BRINP1: variants seen among roughly 807,000 people sequenced by gnomAD.
BRINP1 encodes BMP/retinoic acid inducible neural specific 1.
Under a neutral mutation model 72.9 loss-of-function variants are expected in BRINP1, and 17 were observed. The observed-to-expected ratio is 0.23, with a 90% CI of 0.16 to 0.35. BRINP1 has a LOEUF of 0.35. Ranked by LOEUF, BRINP1 falls within the 10% of genes least tolerant of loss-of-function variation. The pLI, the probability that BRINP1 is intolerant of heterozygous loss-of-function variation, is 1.00. For synonymous variants in BRINP1, 418 were observed against 378.5 expected (o/e 1.10, Z -1.21); for missense variants, 850 against 1,001.6 (o/e 0.85, Z 2.04).
intron 2 of BRINP1, among the ~76,000 whole-genome samples, chr9:119,275,360 C>A (rs1830646125): frequency 6.6e-6 from 1 of 152,174 alleles, no homozygotes; most frequent in Admixed American, 6.5e-5. Flanking sequence ...AGACTATGAA[C>A]TTGCACTTTT....
intron 5 of BRINP1, among the ~76,000 whole-genome samples, chr9:119,227,585 T>C (rs1196955771): frequency 6.6e-6 from 1 of 152,054 alleles, no homozygotes; most frequent in Non-Finnish European, 1.5e-5. Context: ...GGAACATAAA[T>C]TCCCATTAGT....
intron 1 of BRINP1, among the ~76,000 whole-genome samples, chr9:119,330,415 C>G (rs1831288036): frequency 6.6e-6 from 1 of 152,186 alleles, no homozygotes; most frequent in Non-Finnish European, 1.5e-5. Flanking sequence ...GCCTCCATGT[C>G]TCTAGGTACT....
intron 1 of BRINP1, among the ~76,000 whole-genome samples, chr9:119,314,465 A>T (rs1344882624): frequency 6.6e-6 from 1 of 152,176 alleles, no homozygotes; most frequent in African/African-American, 2.4e-5. Flanking sequence ...TCCAGGGTTC[A>T]AGTGATTCTT....
chr9:119,238,034 T>C (rs914440624), intron 5 of BRINP1, among the ~76,000 whole-genome samples: 2 of 152,210 alleles, frequency 1.3e-5, no homozygotes, highest in Non-Finnish European at 2.9e-5. Flanking sequence ...ATTAACATTA[T>C]ATCACATTAT....
At chr9:119,350,463 G>C (rs773305934) in intron 1 of BRINP1, among the ~76,000 whole-genome samples, 1 of 152,186 alleles carries the variant, frequency 6.6e-6, no homozygotes, top group East Asian at 1.9e-4. Context: ...TTCTCCTACA[G>C]CTCATACAGT....
chr9:119,314,993 C>G (rs1240285992), intron 1 of BRINP1, among the ~76,000 whole-genome samples: 1 of 152,168 alleles, frequency 6.6e-6, no homozygotes, highest in East Asian at 1.9e-4. Flanking sequence ...TGGCCAAACC[C>G]TGTTTAAATC....
intron 1 of BRINP1, among the ~76,000 whole-genome samples, chr9:119,353,087 T>A (rs889908943): frequency 1.3e-5 from 2 of 152,332 alleles, no homozygotes; most frequent in African/African-American, 4.8e-5. Context: ...TGACTTCATT[T>A]TATGGCCTAA....
At chr9:119,254,030 A>C (rs150725540) in intron 2 of BRINP1, among the ~76,000 whole-genome samples, 2 of 152,294 alleles carry the variant, frequency 1.3e-5, no homozygotes, top group East Asian at 3.9e-4. Flanking sequence ...AAGTACACTT[A>C]AGTAAAAGGG....
intron 2 of BRINP1, among the ~76,000 whole-genome samples, chr9:119,251,940 T>C (rs1433882281): frequency 6.6e-6 from 1 of 152,160 alleles, no homozygotes; most frequent in East Asian, 1.9e-4. Flanking sequence ...ATTTGGTGTG[T>C]GTTCTCTCTC....
chr9:119,355,694 A>G (rs1231215611), intron 1 of BRINP1, among the ~76,000 whole-genome samples: 11 of 148,646 alleles, frequency 7.4e-5, no homozygotes, highest in East Asian at 2.0e-4. Context: ...GCACCACTGC[A>G]CTCCAGCCTG....
At chr9:119,324,834 T>C (rs925356818) in intron 1 of BRINP1, among the ~76,000 whole-genome samples, 2 of 152,174 alleles carry the variant, frequency 1.3e-5, no homozygotes, top group Non-Finnish European at 2.9e-5. Context: ...GCACAGTGGC[T>C]CATGTCTGTA....
At chr9:119,337,618 T>C (rs1831360018) in intron 1 of BRINP1, among the ~76,000 whole-genome samples, 1 of 152,192 alleles carries the variant, frequency 6.6e-6, no homozygotes, top group Non-Finnish European at 1.5e-5. Flanking sequence ...TCTAACCTAA[T>C]TCCCTAGTCT....
chr9:119,282,090 T>C (rs1180429380), intron 2 of BRINP1, among the ~76,000 whole-genome samples: 2 of 152,222 alleles, frequency 1.3e-5, no homozygotes, highest in African/African-American at 2.4e-5. Context: ...TATATTTCCA[T>C]GAACAAAGTC....
At chr9:119,202,536 G>C (rs79412631) in intron 7 of BRINP1, among the ~76,000 whole-genome samples, 1 of 152,288 alleles carries the variant, frequency 6.6e-6, no homozygotes, top group Non-Finnish European at 1.5e-5. Context: ...AGTAATAGCT[G>C]AGACCAAACT....
rs146289929 is a variant in BRINP1 at position 119,232,583 on chromosome 9, T to C, written c.685+6072A>G. Among the ~76,000 whole-genome samples, 92 of 152,264 alleles carry C rather than the reference T, an allele frequency of 6.0e-4. 1 individual carries two copies. The Middle Eastern group carries it at 0.01, about 17-fold the overall frequency. ...GCTTTTGCCATATCCACACATCAAT[T>C]ATAAGCTCAAAATGATTCATTTATC... On this transcript the variant is annotated intron_variant, in intron 5 of 7. Transcript: ENST00000265922.
chr9:119,329,936 T>C (rs1831281962), intron 1 of BRINP1, among the ~76,000 whole-genome samples: 1 of 152,192 alleles, frequency 6.6e-6, no homozygotes, highest in African/African-American at 2.4e-5. Context: ...ACCTATTTAA[T>C]GTTCTACTTG....
intron 3 of BRINP1, among the ~76,000 whole-genome samples, chr9:119,247,143 G>A (rs939459750): frequency 2.0e-5 from 3 of 152,212 alleles, no homozygotes; most frequent in African/African-American, 7.2e-5. Flanking sequence ...GTGAAATGGA[G>A]GGGGTGATGT....
chr9:119,338,560 A>AATC (rs1831373424), intron 1 of BRINP1, among the ~76,000 whole-genome samples: 1 of 151,326 alleles, frequency 6.6e-6, no homozygotes, highest in Non-Finnish European at 1.5e-5. Context: ...AAATAGAAGG[A>AATC]ATCTTTCAGA....
intron 2 of BRINP1, among the ~76,000 whole-genome samples, chr9:119,276,718 G>A (rs1830660899): frequency 6.6e-6 from 1 of 152,104 alleles, no homozygotes; most frequent in African/African-American, 2.4e-5. Context: ...GTATAGCTGG[G>A]TCAAACGATT....
Sources: gnomAD v4.1 joint callset for allele counts (sites outside exome capture counted in the v4.1 genomes callset) on GRCh38, gnomAD v4.1.1 for gene constraint, MANE v1.5 for transcripts, NCBI Gene and HGNC (gene_info 2026-07-23, HGNC 2026-07-21) for gene names.